The following MECOM variants were observed in gnomAD, a reference collection of about 807,000 sequenced individuals.
The protein encoded by MECOM is MDS1 and EVI1 complex locus, also known as histone-lysine N-methyltransferase MECOM.
MECOM carries 13 observed loss-of-function variants against 116.3 expected under a neutral mutation model. The ratio of observed to expected loss-of-function variants is 0.11; its 90% CI spans 0.07 to 0.18. The LOEUF is 0.18. Among genes scored for constraint, MECOM ranks in the 10% least tolerant of loss-of-function variants. The probability of loss-of-function intolerance (pLI) is 1.00; values close to 1 mark genes in which losing one functional copy is unlikely to be tolerated. For synonymous variants in MECOM, 528 were observed against 535.2 expected, an observed-to-expected ratio of 0.99 and a Z score of 0.19; for missense variants, 1,299 against 1,509.0, an observed-to-expected ratio of 0.86 and a Z score of 2.31.
At position 169,652,250 on chromosome 3, in the gene MECOM, G is replaced by A. The variant is rs187169173; in HGVS notation, c.37+11086C>T. On this transcript the variant is annotated intron_variant, in intron 1 of 16. Transcript: ENST00000651503. ...AGTCTGGGACCCAAAAGAAGGTCAT[G>A]AACTATGACCCTAGCCAAAACTAAG... Among the ~76,000 whole-genome samples the A allele has an allele frequency of 3.7e-3, 566 of 152,302 alleles. 3 individuals carry two copies. Among genetic ancestry groups the A allele is most frequent in the Non-Finnish European group, 5.1e-3 (345 of 68,014 alleles).
chr3:169,358,907 C>T (rs950058612), intron 2 of MECOM, among the ~76,000 whole-genome samples: 5 of 151,728 alleles, frequency 3.3e-5, no homozygotes, highest in Non-Finnish European at 7.4e-5. Context: ...AATTTTTAAC[C>T]CTTACCCATG....
intron 1 of MECOM, among the ~76,000 whole-genome samples, chr3:169,463,278 A>G (rs1366463529): frequency 2.0e-5 from 3 of 152,190 alleles, no homozygotes; most frequent in Non-Finnish European, 4.4e-5. Context: ...TTGCACAGAT[A>G]TTAGCTTGAT....
intron 1 of MECOM, among the ~76,000 whole-genome samples, chr3:169,621,442 T>C (rs1770709017): frequency 6.6e-6 from 1 of 152,178 alleles, no homozygotes; most frequent in African/African-American, 2.4e-5. Context: ...TTGATTTGAT[T>C]GTTTATAAAT....
intron 2 of MECOM, among the ~76,000 whole-genome samples, chr3:169,241,527 A>G (rs1256857231): frequency 3.3e-5 from 5 of 152,150 alleles, no homozygotes; most frequent in African/African-American, 1.2e-4. Context: ...AGCTAGGGGG[A>G]AACATTCCTT....
chr3:169,407,079 C>A (rs535619347), intron 1 of MECOM, among the ~76,000 whole-genome samples: 11 of 152,144 alleles, frequency 7.2e-5, no homozygotes, highest in Admixed American at 7.2e-4. Context: ...GAACTCCTGA[C>A]CTCATGCTCC....
At chr3:169,307,778 A>G (rs1717986880) in intron 2 of MECOM, among the ~76,000 whole-genome samples, 2 of 151,754 alleles carry the variant, frequency 1.3e-5, no homozygotes, top group Admixed American at 1.3e-4. Flanking sequence ...GTTCCCTCCC[A>G]CTCCTATAGG....
chr3:169,215,680 C>G (rs1356977704), intron 2 of MECOM, among the ~76,000 whole-genome samples: 1 of 152,198 alleles, frequency 6.6e-6, no homozygotes, highest in Non-Finnish European at 1.5e-5. Flanking sequence ...CTTCCAGAAC[C>G]ATTTTATTAC....
chr3:169,626,700 G>A (rs1226942577), intron 1 of MECOM, among the ~76,000 whole-genome samples: 1 of 152,182 alleles, frequency 6.6e-6, no homozygotes, highest in African/African-American at 2.4e-5. Flanking sequence ...TGGTTTCTAG[G>A]AACAGTCTTC....
At chr3:169,435,709 T>C (rs148422095) in intron 1 of MECOM, among the ~76,000 whole-genome samples, 142 of 152,342 alleles carry the variant, frequency 9.3e-4, no homozygotes, top group African/African-American at 3.3e-3. Context: ...GTGTCTTCTG[T>C]ATCTTTGATT....
At chr3:169,515,894 T>C (rs1337872557) in intron 1 of MECOM, among the ~76,000 whole-genome samples, 1 of 151,354 alleles carries the variant, frequency 6.6e-6, no homozygotes, top group Non-Finnish European at 1.5e-5. Context: ...CAAAGCATTT[T>C]TCAAATACCA....
At chr3:169,420,623 G>T (rs1203465932) in intron 1 of MECOM, among the ~76,000 whole-genome samples, 1 of 152,108 alleles carries the variant, frequency 6.6e-6, no homozygotes, top group African/African-American at 2.4e-5. Context: ...GTAGTGAAAA[G>T]GGAGAAGAGA....
chr3:169,415,214 G>A (rs1306285072), intron 1 of MECOM, among the ~76,000 whole-genome samples: 1 of 152,156 alleles, frequency 6.6e-6, no homozygotes, highest in Non-Finnish European at 1.5e-5. Flanking sequence ...CCAGAAAAAA[G>A]TGGAGGCCAA....
intron 1 of MECOM, among the ~76,000 whole-genome samples, chr3:169,529,976 G>A (rs115723781): frequency 9.0e-4 from 137 of 152,298 alleles, no homozygotes; most frequent in African/African-American, 3.1e-3. Context: ...CATATTTTAA[G>A]TACAGTACAA....
At chr3:169,296,453 A>G (rs956446292) in intron 2 of MECOM, among the ~76,000 whole-genome samples, 3 of 152,198 alleles carry the variant, frequency 2.0e-5, no homozygotes, top group Non-Finnish European at 2.9e-5. Context: ...AGAAGCCATG[A>G]TTATGTTGTA....
intron 2 of MECOM, among the ~76,000 whole-genome samples, chr3:169,247,945 G>C (rs1755796216): frequency 6.6e-6 from 1 of 152,130 alleles, no homozygotes; most frequent in Non-Finnish European, 1.5e-5. Context: ...ATACCAACTA[G>C]CTGACTTTTG....
intron 1 of MECOM, among the ~76,000 whole-genome samples, chr3:169,490,521 AAT>A (rs1447282117): frequency 6.6e-6 from 1 of 152,256 alleles, no homozygotes; most frequent in Non-Finnish European, 1.5e-5. Context: ...AGTTAAAGTG[AAT>A]AAATCTGTTG....
At chr3:169,431,617 G>C (rs1338165383) in intron 1 of MECOM, among the ~76,000 whole-genome samples, 1 of 151,138 alleles carries the variant, frequency 6.6e-6, no homozygotes, top group Non-Finnish European at 1.5e-5. Context: ...CACCTGATTA[G>C]ATTCAAAGTC....
Position 169,559,246 on chromosome 3 carries a change from T to C in MECOM, c.37+104090A>G, listed in dbSNP as rs148012329. 1.3e-3 allele frequency among the ~76,000 whole-genome samples: 198 copies of C among 152,314 alleles called. 1 individual carries two copies. The highest frequency in any genetic ancestry group is 4.6e-3 in the African/African-American group (190 of 41,566). ...ACTTGGTTTATCTATTTAATTTATA[T>C]CACTTTTCATAGCCGGGCTCTATAT... On this transcript the variant is annotated intron_variant, in intron 1 of 16. Coordinates refer to ENST00000651503, the MANE Select transcript of MECOM (RefSeq NM_004991.4).
At chr3:169,382,991 T>C (rs538603526) in intron 1 of MECOM, among the ~76,000 whole-genome samples, 70 of 151,974 alleles carry the variant, frequency 4.6e-4, no homozygotes, top group African/African-American at 1.6e-3. Flanking sequence ...AAGTTGCTGA[T>C]TAAACTAGGT....
Sources: gnomAD v4.1 joint callset for allele counts (sites outside exome capture counted in the v4.1 genomes callset) on GRCh38, gnomAD v4.1.1 for gene constraint, MANE v1.5 for transcripts, NCBI Gene and HGNC (gene_info 2026-07-23, HGNC 2026-07-21) for gene names.